The following CD96 variants were observed in gnomAD, a reference collection of about 807,000 sequenced individuals.
CD96 encodes T-cell surface protein tactile.
CD96 carries 70 observed loss-of-function variants against 71.3 expected under a neutral mutation model. The observed-to-expected ratio is 0.98, with a 90% CI of 0.81 to 1.20. The LOEUF is 1.20. Ranked by LOEUF, CD96 falls within the 50% of genes most tolerant of loss-of-function variation. CD96 has a pLI of 0.00. For synonymous variants in CD96, 248 were observed against 233.0 expected, an observed-to-expected ratio of 1.06 and a Z score of -0.59; for missense variants, 742 against 677.5, an observed-to-expected ratio of 1.10 and a Z score of -1.06.
intron 2 of CD96, among the ~76,000 whole-genome samples, chr3:111,565,712 A>T (rs1028838233): frequency 2.0e-5 from 3 of 151,782 alleles, no homozygotes; most frequent in African/African-American, 7.3e-5. Context: ...TTTTTTTTCA[A>T]TTATGGGCTT....
At chr3:111,593,527 A>T (rs755544182) in intron 5 of CD96, 2 of 1,509,882 alleles carry the variant, frequency 1.3e-6, no homozygotes, top group African/African-American at 1.4e-5. Flanking sequence ...TTTTCAGAAT[A>T]GATTCTCCAA....
At chr3:111,593,670 C>T in intron 5 of CD96, 2 of 1,612,044 alleles carry the variant, frequency 1.2e-6, no homozygotes, top group South Asian at 1.1e-5. Context: ...AGGGCTCGCT[C>T]CCTTTTTTCC....
chr3:111,641,701 A>G (rs1419761158), intron 12 of CD96, among the ~76,000 whole-genome samples: 1 of 152,242 alleles, frequency 6.6e-6, no homozygotes, highest in Non-Finnish European at 1.5e-5. Context: ...TACACACTCT[A>G]TTCAACAGTG....
intron 2 of CD96, among the ~76,000 whole-genome samples, chr3:111,564,645 T>C (rs900979389): frequency 3.3e-5 from 5 of 152,182 alleles, no homozygotes; most frequent in Non-Finnish European, 7.4e-5. Flanking sequence ...TTGTCGTGTC[T>C]TGATAATATG....
At chr3:111,612,851 T>A (rs1938022875) in intron 8 of CD96, 1 of 976,206 alleles carries the variant, frequency 1.0e-6, no homozygotes, top group Admixed American at 6.1e-5. Context: ...ACATGCAGCA[T>A]CTGAGAGTGA....
intron 8 of CD96, among the ~76,000 whole-genome samples, chr3:111,621,917 G>A (rs933703621): frequency 1.3e-5 from 2 of 152,184 alleles, no homozygotes; most frequent in Non-Finnish European, 1.5e-5. Context: ...CATCATATAT[G>A]CTTTAGGTAG....
At chr3:111,585,502 A>G (rs1439673291) in intron 5 of CD96, 124 bp downstream of exon 5, 1 of 687,512 alleles carries the variant, frequency 1.5e-6, no homozygotes, top group Non-Finnish European at 2.7e-6. Flanking sequence ...TTAACTGCTA[A>G]TAGGGATGAA....
intron 2 of CD96, among the ~76,000 whole-genome samples, chr3:111,550,925 T>C (rs961834847): frequency 6.6e-6 from 1 of 152,158 alleles, no homozygotes; most frequent in Non-Finnish European, 1.5e-5. Context: ...CATTAAAAAG[T>C]ACATAGTGCC....
intron 2 of CD96, among the ~76,000 whole-genome samples, chr3:111,546,897 C>CACACACACACAGACACAT (rs1934426344): frequency 1.6e-5 from 2 of 128,908 alleles, no homozygotes; most frequent in East Asian, 2.3e-4. Context: ...AAACACACCA[C>CACACACACACAGACACAT]ACACACACAC....
chr3:111,554,031 AAAG>A (rs1279244373), intron 2 of CD96, among the ~76,000 whole-genome samples: 1 of 152,026 alleles, frequency 6.6e-6, no homozygotes. Flanking sequence ...TTGGTCAAGA[AAAG>A]TTTTCTTCAT....
At chr3:111,625,042 G>A (rs1181152300) in intron 10 of CD96, among the ~76,000 whole-genome samples, 5 of 152,360 alleles carry the variant, frequency 3.3e-5, no homozygotes, top group Middle Eastern at 3.4e-3. Flanking sequence ...GACGATGGAT[G>A]CCACAGGGCC....
chr3:111,658,033 G>A (rs1281781548), intron 14 of CD96, among the ~76,000 whole-genome samples: 3 of 152,170 alleles, frequency 2.0e-5, no homozygotes, highest in Admixed American at 6.5e-5. Context: ...AGCATACCTA[G>A]CATCCGCATC....
At chr3:111,584,529 G>T (rs1936613921) in intron 4 of CD96, among the ~76,000 whole-genome samples, 1 of 152,166 alleles carries the variant, frequency 6.6e-6, no homozygotes, top group Admixed American at 6.5e-5. Flanking sequence ...GGAAGAAAAA[G>T]AAGTTTAATT....
chr3:111,659,779 A>G (rs1940312748), intron 14 of CD96, among the ~76,000 whole-genome samples: 1 of 152,212 alleles, frequency 6.6e-6, no homozygotes, highest in African/African-American at 2.4e-5. Context: ...CAAGAGACAT[A>G]TGATCATCTC....
At chr3:111,553,537 C>A (rs1934835441) in intron 2 of CD96, among the ~76,000 whole-genome samples, 1 of 150,628 alleles carries the variant, frequency 6.6e-6, no homozygotes, top group Admixed American at 6.6e-5. Flanking sequence ...GTGAGCCTTG[C>A]CTACATCCAT....
At chr3:111,627,082 C>A (rs1232866864) in intron 10 of CD96, among the ~76,000 whole-genome samples, 5 of 152,136 alleles carry the variant, frequency 3.3e-5, no homozygotes. Flanking sequence ...TAAGAAATGG[C>A]AAATAGGATG....
chr3:111,597,822 C>T (rs2107641863), intron 5 of CD96, among the ~76,000 whole-genome samples: 1 of 152,256 alleles, frequency 6.6e-6, no homozygotes, highest in Middle Eastern at 3.4e-3. Context: ...TCTGCCTACA[C>T]AGAGTTAAGA....
intron 10 of CD96, among the ~76,000 whole-genome samples, chr3:111,625,430 A>G (rs1341975218): frequency 6.6e-6 from 1 of 152,228 alleles, no homozygotes; most frequent in East Asian, 1.9e-4. Flanking sequence ...TAAGAATTGA[A>G]AAGACAGTAT....
chr3:111,639,911 C>T (rs1319087954), intron 12 of CD96, among the ~76,000 whole-genome samples: 1 of 152,138 alleles, frequency 6.6e-6, no homozygotes, highest in Non-Finnish European at 1.5e-5. Context: ...CACAGGAAGC[C>T]ACATCCATAG....
Sources: allele counts gnomAD v4.1 joint callset (sites outside exome capture counted in the v4.1 genomes callset), GRCh38; gene constraint gnomAD v4.1.1; transcripts MANE v1.5; gene names NCBI Gene and HGNC (gene_info 2026-07-23, HGNC 2026-07-21).